SENP5: variants seen among roughly 807,000 people sequenced by gnomAD.
The protein encoded by SENP5 is SUMO specific peptidase 5.
A neutral mutation model predicts 74.2 loss-of-function variants in SENP5; 21 were observed. The observed-to-expected ratio is 0.28, with a 90% confidence interval of 0.20 to 0.41. SENP5 has a LOEUF of 0.41. Among genes scored for constraint, SENP5 ranks in the 10% least tolerant of loss-of-function variants. The pLI, the probability that SENP5 is intolerant of heterozygous loss-of-function variation, is 1.00. For synonymous variants in SENP5, 311 were observed against 312.7 expected (o/e 0.99, Z 0.06); for missense variants, 717 against 889.1 (o/e 0.81, Z 2.46).
chr3:196,889,557 A>G (rs1714117040), intron 2 of SENP5, among the ~76,000 whole-genome samples: 1 of 152,196 alleles, frequency 6.6e-6, no homozygotes, highest in Non-Finnish European at 1.5e-5. Flanking sequence ...GAAAACTAGT[A>G]ATAAAGGAAG....
chr3:196,880,348 T>C (rs1329361463), intron 1 of SENP5, among the ~76,000 whole-genome samples: 1 of 152,208 alleles, frequency 6.6e-6, no homozygotes, highest in Non-Finnish European at 1.5e-5. Flanking sequence ...CCCACGTAGG[T>C]GGGTCTACAG....
chr3:196,900,503 G>A, intron 5 of SENP5, 91 bp downstream of exon 5: 1 of 1,061,014 alleles, frequency 9.4e-7, no homozygotes, highest in East Asian at 2.5e-5. Flanking sequence ...GTAATTATCT[G>A]ACATTCCTTA....
intron 7 of SENP5, among the ~76,000 whole-genome samples, chr3:196,925,955 G>C (rs1185381456): frequency 1.3e-5 from 2 of 152,150 alleles, no homozygotes; most frequent in East Asian, 1.9e-4. Context: ...GTTTTAAGAG[G>C]ATGTAGGGGT....
rs564964954 is a variant in SENP5 at position 196,908,802 on chromosome 3, AAG to A, written c.1884+5194_1884+5195del. 4.2e-3 allele frequency among the ~76,000 whole-genome samples: 611 copies of A among 145,400 alleles called. 7 individuals carry two copies. Among genetic ancestry groups the A allele is most frequent in the African/African-American group, 0.015 (574 of 38,618 alleles). The stretch of plus-strand genomic sequence containing the variant: ...TGCGCCATTGCACTCCAGCCTGGGC[AAG>A]AAGAGTGAAACTCTGTCTCAAAACA... On this transcript the variant is annotated intron_variant, in intron 6 of 9. Coordinates refer to ENST00000323460, the MANE Select transcript of SENP5 (RefSeq NM_152699.5).
intron 7 of SENP5, among the ~76,000 whole-genome samples, chr3:196,926,916 T>A (rs567322883): frequency 6.6e-6 from 1 of 152,266 alleles, no homozygotes; most frequent in East Asian, 1.9e-4. Context: ...AGTGCTGGGA[T>A]TACAGGTGTG....
At chr3:196,869,528 AG>A (rs1713111205) in intron 1 of SENP5, among the ~76,000 whole-genome samples, 1 of 151,468 alleles carries the variant, frequency 6.6e-6, no homozygotes, top group Admixed American at 6.6e-5. Flanking sequence ...TGGGAGGCCG[AG>A]GCGGGCAGAT....
chr3:196,873,837 C>T (rs892831249), intron 1 of SENP5, among the ~76,000 whole-genome samples: 1 of 151,882 alleles, frequency 6.6e-6, no homozygotes, highest in Non-Finnish European at 1.5e-5. Flanking sequence ...GACTCCATCT[C>T]AAAAAACAAA....
intron 2 of SENP5, among the ~76,000 whole-genome samples, chr3:196,888,205 A>C (rs916180328): frequency 2.6e-5 from 4 of 152,228 alleles, no homozygotes; most frequent in Middle Eastern, 3.2e-3. Flanking sequence ...ATGATAGTAT[A>C]AATTATGGCC....
intron 6 of SENP5, among the ~76,000 whole-genome samples, chr3:196,916,751 TCCTGA>T (rs1250044403): frequency 6.6e-6 from 1 of 151,392 alleles, no homozygotes. Flanking sequence ...GGTCTCAAAC[TCCTGA>T]CCTTGTGATC....
intron 6 of SENP5, among the ~76,000 whole-genome samples, chr3:196,922,045 T>C (rs985746813): frequency 6.6e-6 from 1 of 152,182 alleles, no homozygotes. Context: ...ATATAAAATA[T>C]GTGTTAGGAT....
At chr3:196,924,907 A>G (rs973110807) in intron 7 of SENP5, among the ~76,000 whole-genome samples, 8 of 152,242 alleles carry the variant, frequency 5.3e-5, no homozygotes, top group Non-Finnish European at 8.8e-5. Context: ...TAAACTGACC[A>G]TAGTAGTTAA....
chr3:196,903,146 T>C (rs1458294850), intron 5 of SENP5, among the ~76,000 whole-genome samples: 1 of 152,180 alleles, frequency 6.6e-6, no homozygotes, highest in African/African-American at 2.4e-5. Context: ...ATTATCATTA[T>C]TATTATTTTT....
In SENP5 at chr3:196,885,902, T is replaced by C; in HGVS notation, c.721T>C (p.Phe241Leu). 1 of 1,613,752 alleles carries C rather than the reference T, an allele frequency of 6.2e-7. No homozygotes were observed. Among genetic ancestry groups the C allele is most frequent in the South Asian group, 1.1e-5 (1 of 91,034 alleles). Residue 241 changes from phenylalanine to leucine, a missense_variant, in exon 2 of 10, where the codon TTT (phenylalanine) becomes CTT (leucine). Transcript: ENST00000323460. ...GTATGAGAAATTATCCATGATTAGA[T>C]TTCGGTACAGGATTCTCAGATCCCA... is the stretch of plus-strand genomic sequence containing the variant. ...MMYEKLSMIR[F>L]RYRILRSQHF...
chr3:196,873,062 G>A (rs1713285465), intron 1 of SENP5, among the ~76,000 whole-genome samples: 1 of 144,002 alleles, frequency 6.9e-6, no homozygotes, highest in South Asian at 2.1e-4. Context: ...GCAAGCTTGA[G>A]ATTTAACTTT....
At chr3:196,928,148 T>C (rs2108867657) in intron 8 of SENP5, among the ~76,000 whole-genome samples, 1 of 152,270 alleles carries the variant, frequency 6.6e-6, no homozygotes, top group South Asian at 2.1e-4. Flanking sequence ...AAAAAAAATC[T>C]TTTTTGGGTG....
Position 196,931,560 on chromosome 3 carries a change from G to T in SENP5, c.*637G>T. The T allele has an allele frequency of 4.2e-6, 1 of 239,870 alleles. No homozygotes were observed. The allele number at this position is 239,870 out of a possible 1,614,324, so 14.9% of individuals were successfully genotyped here. A position where few individuals can be genotyped will look rare whatever the true frequency, so the allele number is the denominator to read the frequency against. On this transcript the variant is annotated 3_prime_UTR_variant, in exon 10 of 10. Transcript: ENST00000323460. ...ACTTGTAAGCACAGTGGCTGCTTTG[G>T]GAGGAGTAAGGTGTGAGAAAAAGCA...
chr3:196,885,898 T>G lies in SENP5; in HGVS notation c.717T>G (p.Ile239Met). 6.2e-7 allele frequency: 1 copy of G among 1,613,648 alleles called. No individual in the cohort carries two copies. Among genetic ancestry groups the G allele is most frequent in the Non-Finnish European group, 8.5e-7 (1 of 1,179,950 alleles). Residue 239 changes from isoleucine (I) to methionine (M), a missense_variant, in exon 2 of 10, where the codon ATT (isoleucine) becomes ATG (methionine). Around this residue, in one of 4 missense-constraint regions of SENP5, gnomAD observed 567 missense variants for 577.4 expected, o/e 0.98. Transcript: ENST00000323460. ...TGATGTATGAGAAATTATCCATGAT[T>G]AGATTTCGGTACAGGATTCTCAGAT... ...PLMMYEKLSMIRFRYRILRSQ... is the reference protein window; with the variant it reads ...PLMMYEKLSMMRFRYRILRSQ...
At chr3:196,918,268 C>T in intron 6 of SENP5, among the ~76,000 whole-genome samples, 1 of 148,968 alleles carries the variant, frequency 6.7e-6, no homozygotes, top group Non-Finnish European at 1.5e-5. Flanking sequence ...GATTGTGCCA[C>T]TGCACTCCAA....
intron 6 of SENP5, among the ~76,000 whole-genome samples, chr3:196,921,358 C>G (rs1029250412): frequency 2.6e-5 from 4 of 152,136 alleles, no homozygotes; most frequent in Admixed American, 6.5e-5. Flanking sequence ...TCAAAAAGTT[C>G]CAGATTTTGG....
Sources: gnomAD v4.1 joint callset for allele counts (sites outside exome capture counted in the v4.1 genomes callset) on GRCh38, gnomAD v4.1.1 for gene constraint, gnomAD v4.1.1 regional missense constraint, MANE v1.5 for transcripts, NCBI Gene and HGNC (gene_info 2026-07-23, HGNC 2026-07-21) for gene names.